The following ENOX1 variants were observed in gnomAD, a reference collection of about 807,000 sequenced individuals.
ENOX1 encodes candidate growth-related and time keeping constitutive hydroquinone (NADH) oxidase.
A neutral mutation model predicts 82.5 loss-of-function variants in ENOX1; 42 were observed. The observed-to-expected ratio is 0.51, with a 90% CI of 0.40 to 0.66. The LOEUF (loss-of-function observed/expected upper bound fraction) is 0.66, where lower values mean the gene tolerates loss of function less well. Ranked by LOEUF, ENOX1 falls within the 30% of genes least tolerant of loss-of-function variation. The pLI, the probability that ENOX1 is intolerant of heterozygous loss-of-function variation, is 0.00. For synonymous variants in ENOX1, 271 were observed against 282.2 expected (o/e 0.96, Z 0.40); for missense variants, 608 against 811.6 (o/e 0.75, Z 3.05).
intron 2 of ENOX1, among the ~76,000 whole-genome samples, chr13:43,486,726 C>T (rs760337186): frequency 9.2e-5 from 14 of 152,202 alleles, no homozygotes; most frequent in Non-Finnish European, 1.8e-4. Context: ...TACTTCCTGG[C>T]TGTATGACCT....
chr13:43,434,724 T>C (rs778448105), intron 3 of ENOX1, among the ~76,000 whole-genome samples: 35 of 152,166 alleles, frequency 2.3e-4, no homozygotes, highest in Non-Finnish European at 1.6e-4. Context: ...GGAAAAAATA[T>C]TAAAAGAAAA....
intron 3 of ENOX1, among the ~76,000 whole-genome samples, chr13:43,417,248 A>ACGGGAGAC (rs150224931): frequency 3.5e-4 from 33 of 94,950 alleles, no homozygotes; most frequent in African/African-American, 1.3e-3. Context: ...GAGACGGGAG[A>ACGGGAGAC]GGGAGAGGGA....
At chr13:43,694,413 T>C (rs1320656617) in intron 1 of ENOX1, among the ~76,000 whole-genome samples, 2 of 152,182 alleles carry the variant, frequency 1.3e-5, no homozygotes, top group Non-Finnish European at 2.9e-5. Flanking sequence ...GCTGAGTTTA[T>C]GCTTTCCCAC....
At chr13:43,634,457 T>C (rs534502556) in intron 2 of ENOX1, among the ~76,000 whole-genome samples, 1 of 152,288 alleles carries the variant, frequency 6.6e-6, no homozygotes, top group African/African-American at 2.4e-5. Flanking sequence ...TAAACAAGGA[T>C]AGTAAATTTC....
intron 5 of ENOX1, among the ~76,000 whole-genome samples, chr13:43,370,332 A>C (rs2051148265): frequency 6.6e-6 from 1 of 152,080 alleles, no homozygotes; most frequent in Non-Finnish European, 1.5e-5. Context: ...GCGCCACTGC[A>C]GTCCAGCCTG....
At chr13:43,493,181 G>C (rs2076680461) in intron 2 of ENOX1, among the ~76,000 whole-genome samples, 1 of 151,820 alleles carries the variant, frequency 6.6e-6, no homozygotes, top group African/African-American at 2.4e-5. Flanking sequence ...TGTTGGTTCT[G>C]TTTATCTGGA....
At chr13:43,557,292 T>A (rs1271902617) in intron 2 of ENOX1, among the ~76,000 whole-genome samples, 1 of 151,874 alleles carries the variant, frequency 6.6e-6, no homozygotes, top group East Asian at 1.9e-4. Context: ...GGCCAGAAGG[T>A]GGTAGGGGTT....
intron 9 of ENOX1, among the ~76,000 whole-genome samples, chr13:43,338,080 G>C (rs2048819198): frequency 6.6e-6 from 1 of 152,190 alleles, no homozygotes. Context: ...AGCATGTTGG[G>C]AAAGTAGCAA....
chr13:43,622,025 T>C (rs2153746448), intron 2 of ENOX1, among the ~76,000 whole-genome samples: 1 of 152,340 alleles, frequency 6.6e-6, no homozygotes, highest in East Asian at 1.9e-4. Flanking sequence ...AGTTTCTTTC[T>C]TCTACTTGTT....
intron 1 of ENOX1, among the ~76,000 whole-genome samples, chr13:43,703,637 A>C (rs1436200347): frequency 6.6e-6 from 1 of 152,200 alleles, no homozygotes; most frequent in African/African-American, 2.4e-5. Flanking sequence ...ATTTAAAGCA[A>C]AATATATAAC....
chr13:43,739,585 T>C (rs2089800205), intron 1 of ENOX1, among the ~76,000 whole-genome samples: 1 of 150,642 alleles, frequency 6.6e-6, no homozygotes, highest in African/African-American at 2.4e-5. Context: ...ATAATAAATG[T>C]ATTTATTTAA....
chr13:43,505,506 A>G (rs1475950223), intron 2 of ENOX1, among the ~76,000 whole-genome samples: 1 of 152,020 alleles, frequency 6.6e-6, no homozygotes, highest in East Asian at 1.9e-4. Flanking sequence ...AGACATTTGA[A>G]GAAAGTTGGA....
At chr13:43,753,880 G>A (rs1360781107) in intron 1 of ENOX1, among the ~76,000 whole-genome samples, 1 of 147,526 alleles carries the variant, frequency 6.8e-6, no homozygotes, top group Non-Finnish European at 1.5e-5. Flanking sequence ...ATTCTTTTCA[G>A]TTGGTTTCTG....
At chr13:43,244,819 C>T (rs2043004902) in intron 14 of ENOX1, among the ~76,000 whole-genome samples, 1 of 152,196 alleles carries the variant, frequency 6.6e-6, no homozygotes, top group Non-Finnish European at 1.5e-5. Flanking sequence ...TCCTTCCCTG[C>T]CTGCTTGTTC....
chr13:43,715,020 T>G (rs2088012791), intron 1 of ENOX1, among the ~76,000 whole-genome samples: 1 of 152,202 alleles, frequency 6.6e-6, no homozygotes. Flanking sequence ...GGTCGTTACA[T>G]TTTGGCATGT....
intron 1 of ENOX1, among the ~76,000 whole-genome samples, chr13:43,690,244 G>C (rs2086283926): frequency 8.7e-6 from 1 of 115,140 alleles, no homozygotes. Context: ...ATCCAGCCTT[G>C]CTTATAAATA....
At position 43,709,597 on chromosome 13, in the gene ENOX1, A is replaced by G. The variant is rs117746682; in HGVS notation, c.-284-42053T>C. On this transcript the variant is annotated intron_variant, in intron 1 of 16. Coordinates refer to ENST00000690772, the MANE Select transcript of ENOX1 (RefSeq NM_001347969.2). ...TTCATGAAGGAGGAGGAAAAGAAGG[A>G]AGAAGATGAGGAGGAGAGAAGGAGG... Among the ~76,000 whole-genome samples the G allele has an allele frequency of 8.8e-3, 1,332 of 151,998 alleles. 11 individuals are homozygous for G. Among genetic ancestry groups the G allele is most frequent in the Non-Finnish European group, 0.013 (894 of 67,904 alleles).
rs1054937189 is a variant in ENOX1 at position 43,281,624 on chromosome 13, G to C, written c.1447-12047C>G. On this transcript the variant is annotated intron_variant, in intron 12 of 16. Transcript: ENST00000690772. ...AATTGCATACATTTTAACATTGCAT[G>C]TGATGTTTACCCGTGAAAATTTCCA... Among the ~76,000 whole-genome samples, 4 of 152,136 alleles carry C rather than the reference G, an allele frequency of 2.6e-5. 1 individual carries two copies. Among genetic ancestry groups the C allele is most frequent in the Non-Finnish European group, 4.4e-5 (3 of 68,008 alleles).
intron 2 of ENOX1, among the ~76,000 whole-genome samples, chr13:43,528,595 C>T (rs2078079741): frequency 6.6e-6 from 1 of 151,968 alleles, no homozygotes; most frequent in African/African-American, 2.4e-5. Flanking sequence ...AAAATTGTAT[C>T]TCTTATCTTG....
Sources: allele counts gnomAD v4.1 joint callset (sites outside exome capture counted in the v4.1 genomes callset), GRCh38; gene constraint gnomAD v4.1.1; transcripts MANE v1.5; gene names NCBI Gene and HGNC (gene_info 2026-07-23, HGNC 2026-07-21).